Variants in BCO2 observed in about 807,000 individuals in gnomAD.
BCO2 encodes carotenoid-cleaving dioxygenase, mitochondrial.
A neutral mutation model predicts 65.8 loss-of-function variants in BCO2; 56 were observed. The observed-to-expected ratio is 0.85, with a 90% CI of 0.69 to 1.06. The LOEUF is 1.06. BCO2 is among the 50% of genes least tolerant of loss of function. The pLI is 0.00. For synonymous variants in BCO2, 233 were observed against 242.3 expected (o/e 0.96, Z 0.36); for missense variants, 675 against 698.5 (o/e 0.97, Z 0.38).
chr11:112,180,580 T>C (rs535093394), intron 2 of BCO2, among the ~76,000 whole-genome samples: 1 of 147,724 alleles, frequency 6.8e-6, no homozygotes, highest in Admixed American at 6.8e-5. Flanking sequence ...AGAAGCAGGG[T>C]GGGAAGGAGG....
At chr11:112,200,389 C>A in intron 6 of BCO2, 1 of 385,902 alleles carries the variant, frequency 2.6e-6, no homozygotes, top group Non-Finnish European at 4.5e-6. Context: ...AAAAAGCAAG[C>A]TGAGAACATG....
At chr11:112,186,472 T>G (rs1465744980) in intron 2 of BCO2, among the ~76,000 whole-genome samples, 1 of 152,114 alleles carries the variant, frequency 6.6e-6, no homozygotes, top group Non-Finnish European at 1.5e-5. Context: ...AGTGGTTGAC[T>G]CCCCAGATAG....
intron 8 of BCO2, among the ~76,000 whole-genome samples, chr11:112,210,742 A>G (rs779334234): frequency 4.5e-5 from 5 of 111,118 alleles, no homozygotes; most frequent in Non-Finnish European, 9.0e-5. Context: ...AAAATAGCAT[A>G]GAACTAAATA....
intron 2 of BCO2, 103 bp downstream of exon 2, chr11:112,179,585 C>T: frequency 9.4e-7 from 1 of 1,062,126 alleles, no homozygotes; most frequent in Admixed American, 2.0e-5. Flanking sequence ...TATTTCCATT[C>T]CATCCCTTTG....
chr11:112,207,723 A>G (rs1859385723), intron 8 of BCO2, among the ~76,000 whole-genome samples: 1 of 152,232 alleles, frequency 6.6e-6, no homozygotes, highest in African/African-American at 2.4e-5. Context: ...CACTGAACCA[A>G]TGTATCAATT....
intron 7 of BCO2, among the ~76,000 whole-genome samples, chr11:112,201,068 G>C (rs1193773960): frequency 6.6e-6 from 1 of 152,144 alleles, no homozygotes; most frequent in African/African-American, 2.4e-5. Context: ...TTGCTAAAGA[G>C]GGTGTTGTTC....
rs373617183 is a variant in BCO2 at position 112,186,093 on chromosome 11, G to A, written c.293+6611G>A. Among the ~76,000 whole-genome samples the A allele has an allele frequency of 2.4e-4, 37 of 152,248 alleles. No homozygotes were observed. In the South Asian group the frequency reaches 7.7e-3, roughly 32 times the overall value. On this transcript the variant is annotated intron_variant, in intron 2 of 11. Transcript: ENST00000357685. ...AGGGATGTTTAAAAAAAGATTATGA[G>A]GCAAAGAGAAGTAGAAGAGAAGGAG...
chr11:112,193,807 C>T, intron 3 of BCO2, 72 bp from the exon 4 acceptor site: 3 of 1,469,692 alleles, frequency 2.0e-6, no homozygotes, highest in Non-Finnish European at 2.9e-6. Flanking sequence ...ACTGCTTTCT[C>T]CCTTTGAGTG....
intron 2 of BCO2, among the ~76,000 whole-genome samples, chr11:112,187,669 C>T (rs1008694475): frequency 2.0e-5 from 3 of 152,206 alleles, no homozygotes; most frequent in Non-Finnish European, 2.9e-5. Context: ...CTTCCCCACA[C>T]TTCTGATCAG....
chr11:112,198,919 T>C (rs1867652592), intron 5 of BCO2, among the ~76,000 whole-genome samples: 1 of 151,840 alleles, frequency 6.6e-6, no homozygotes, highest in Non-Finnish European at 1.5e-5. Context: ...ACCATACATA[T>C]GAGACAGGTC....
At chr11:112,190,582 C>T (rs900157759) in intron 2 of BCO2, among the ~76,000 whole-genome samples, 9 of 151,924 alleles carry the variant, frequency 5.9e-5, no homozygotes, top group African/African-American at 1.9e-4. Flanking sequence ...TTTGGCTGGG[C>T]GCAGTGGCTC....
intron 5 of BCO2, 44 bp from the exon 6 acceptor site, chr11:112,199,655 A>C: frequency 6.3e-7 from 1 of 1,580,710 alleles, no homozygotes; most frequent in East Asian, 2.2e-5. Flanking sequence ...CTTTTAATCT[A>C]GAATATATGT....
At chr11:112,216,120 A>G (rs1859669153) in intron 10 of BCO2, 100 bp from the exon 11 acceptor site, 1 of 797,062 alleles carries the variant, frequency 1.3e-6, no homozygotes. Flanking sequence ...ACACATCCAA[A>G]CTACATCACA....
rs771598795 is a variant in BCO2 at position 112,217,792 on chromosome 11, C to G, written c.1658C>G (p.Ala553Gly). ...NESNFILVLD[A>G]KNFEELGRAE... ...AGCAATTTTATCCTAGTTTTGGATG[C>G]CAAGAACTTTGAAGAGCTGGGCCGA... Residue 553 changes from alanine to glycine, a missense_variant, in exon 12 of 12, where the codon GCC becomes GGC. Physicochemically the swap from Ala to Gly is moderately conservative, Grantham distance 60. Transcript: ENST00000357685. The G allele has an allele frequency of 6.2e-7, 1 of 1,613,834 alleles. No individual in the cohort carries two copies. Among genetic ancestry groups the G allele is most frequent in the Admixed American group, 1.7e-5 (1 of 60,008 alleles).
intron 1 of BCO2, 23 bp from the exon 2 acceptor site, chr11:112,179,254 GT>G: frequency 6.2e-7 from 1 of 1,601,288 alleles, no homozygotes; most frequent in Non-Finnish European, 8.5e-7. Context: ...AATATTTTTT[GT>G]GCTTTTGGTT....
intron 8 of BCO2, chr11:112,208,651 C>T: frequency 4.5e-6 from 1 of 221,324 alleles, no homozygotes; most frequent in Non-Finnish European, 9.3e-6. Context: ...AGTCAAGCCA[C>T]ATGCTCCATT....
chr11:112,194,667 A>G lies in BCO2; in HGVS notation c.648A>G (p.Lys216=). 6 of 1,612,452 alleles carry G rather than the reference A, an allele frequency of 3.7e-6. No individual in the cohort carries two copies. The highest frequency in any genetic ancestry group is 5.1e-6 in the Non-Finnish European group (6 of 1,178,918). ...CAAATTTGCAGGTAGATTGGAGCAA[A>G]TTTATTGCTGTGAATGGAGCAACTG... The part of the protein sequence containing the change: ...LEKTEKVDWS[K]FIAVNGATAH... The change falls in exon 5 of 12, where the codon AAA becomes AAG. Residue 216 remains lysine, a synonymous_variant. Coordinates refer to ENST00000357685, the MANE Select transcript of BCO2 (RefSeq NM_031938.7).
At chr11:112,180,858 C>T in intron 2 of BCO2, 1 of 1,070,822 alleles carries the variant, frequency 9.3e-7, no homozygotes, top group Non-Finnish European at 1.5e-6. Context: ...GATTTGCTTT[C>T]TGTGGCCAGC....
chr11:112,213,177 C>G (rs767196141), intron 8 of BCO2, among the ~76,000 whole-genome samples: 3 of 63,486 alleles, frequency 4.7e-5, no homozygotes, highest in African/African-American at 2.0e-4. Flanking sequence ...GAGTTTCACT[C>G]TTGTTGCCCA....
Sources: gnomAD v4.1 joint callset for allele counts (sites outside exome capture counted in the v4.1 genomes callset) on GRCh38, gnomAD v4.1.1 for gene constraint, MANE v1.5 for transcripts, NCBI Gene and HGNC (gene_info 2026-07-23, HGNC 2026-07-21) for gene names.